Variants in PAH observed in about 807,000 individuals in gnomAD.
The protein encoded by PAH is phenylalanine-4-hydroxylase.
A neutral mutation model predicts 62.0 loss-of-function variants in PAH; 64 were observed. The ratio of observed to expected loss-of-function variants is 1.03; its 90% CI spans 0.84 to 1.27. PAH has a LOEUF of 1.27. Among genes scored for constraint, PAH ranks in the 50% most tolerant of loss-of-function variants. The probability of loss-of-function intolerance (pLI) is 0.00; values close to 1 mark genes in which losing one functional copy is unlikely to be tolerated. For synonymous variants in PAH, 195 were observed against 196.2 expected (o/e 0.99, Z 0.05); for missense variants, 579 against 542.8 (o/e 1.07, Z -0.66).
At chr12:102,839,321 T>C in intron 12 of PAH, 103 bp from the exon 13 acceptor site, 2 of 1,101,754 alleles carry the variant, frequency 1.8e-6, no homozygotes. Flanking sequence ...GCTTCTTGGA[T>C]GAGCTGGGTG....
intron 1 of PAH, chr12:102,914,029 T>C (rs951127045): frequency 1.8e-5 from 10 of 545,982 alleles, no homozygotes; most frequent in Non-Finnish European, 1.3e-5. Context: ...GAGAGAAGGC[T>C]GTGTTAGGAA....
chr12:102,909,446 TG>T (rs1296552802), intron 2 of PAH, among the ~76,000 whole-genome samples: 2 of 152,228 alleles, frequency 1.3e-5, no homozygotes, highest in African/African-American at 2.4e-5. Context: ...AGTTTCTTTT[TG>T]AATAATGTTG....
chr12:102,942,735 A>G (rs1395808059), intron 1 of PAH, among the ~76,000 whole-genome samples: 1 of 152,186 alleles, frequency 6.6e-6, no homozygotes, highest in Non-Finnish European at 1.5e-5. Flanking sequence ...CCAATGGAAC[A>G]GGTTAGAGAA....
upstream of PAH, among the ~76,000 whole-genome samples, chr12:102,954,901 G>A (rs1446819555): frequency 1.3e-5 from 2 of 152,226 alleles, no homozygotes; most frequent in African/African-American, 2.4e-5. Flanking sequence ...CAGTGTTGAG[G>A]TGCAAACTCC....
upstream of PAH, among the ~76,000 whole-genome samples, chr12:102,921,772 C>A (rs1268906993): frequency 2.6e-5 from 4 of 152,284 alleles, no homozygotes; most frequent in East Asian, 5.8e-4. Flanking sequence ...AGGCCAATCC[C>A]ACAATCAATT....
At chr12:102,926,394 G>T (rs1438061986) in intron 1 of PAH, among the ~76,000 whole-genome samples, 4 of 151,804 alleles carry the variant, frequency 2.6e-5, no homozygotes, top group Non-Finnish European at 4.4e-5. Context: ...TTTCTGAGGA[G>T]CATACATAAG....
chr12:102,936,274 T>C (rs1879095837), intron 1 of PAH, among the ~76,000 whole-genome samples: 1 of 152,194 alleles, frequency 6.6e-6, no homozygotes, highest in Non-Finnish European at 1.5e-5. Context: ...ATTTTTGAAC[T>C]TTTTAAAGAC....
In PAH at chr12:102,843,672, ACT is replaced by A. The variant is rs1429055740; in HGVS notation, c.1171_1172del (p.Ser391PhefsTer2). 3 of 1,611,750 alleles carry A rather than the reference ACT, an allele frequency of 1.9e-6. No individual in the cohort carries two copies. Among genetic ancestry groups the A allele is most frequent in the Non-Finnish European group, 2.5e-6 (3 of 1,179,382 alleles). On this transcript the variant is annotated frameshift_variant, in exon 11 of 13. Coordinates refer to ENST00000553106, the MANE Select transcript of PAH (RefSeq NM_000277.3). LOFTEE classifies it high-confidence loss of function. ...TTACTTTCTCCTTGGCATCATTAAA[ACT>A]CTCTGCCACGTAATAGAGGGGCTGG... ...EFQPLYYVAE[S>X]FNDAKEKVRN...
rs1874410441 is a variant in PAH, at chr12:102,837,512, A to G, written c.*1663T>C. Reference sequence around the variant, plus strand: ...TAAAATCAGTGGGTTTTACAAAGGCATAAACATAGATACAGGCATAAAATT... The same window carrying G: ...TAAAATCAGTGGGTTTTACAAAGGCGTAAACATAGATACAGGCATAAAATT... On this transcript the variant is annotated 3_prime_UTR_variant, in exon 13 of 13. Transcript: ENST00000553106. 6.6e-6 allele frequency: 1 copy of G among 152,264 alleles called. No individual in the cohort carries two copies. Among genetic ancestry groups the G allele is most frequent in the African/African-American group, 2.4e-5 (1 of 41,476 alleles). 9.4% of individuals were successfully genotyped at this position (152,264 alleles called of 1,614,324 possible).
In PAH at chr12:102,868,001, T is replaced by G. The variant is rs1177609285; in HGVS notation, c.442-1338A>C. Among the ~76,000 whole-genome samples the G allele has an allele frequency of 1.9e-3, 264 of 137,938 alleles. 40 individuals are homozygous for G. Among genetic ancestry groups the G allele is most frequent in the African/African-American group, 4.2e-3 (155 of 37,080 alleles). The allele number at this position is 137,938 out of a possible 152,430, so 90.5% of individuals were successfully genotyped here. ...TATATAGATGTATATTACATGTATA[T>G]ATGTATATACATATATACATATATA... On this transcript the variant is annotated intron_variant, in intron 4 of 12. Coordinates refer to ENST00000553106, the MANE Select transcript of PAH (RefSeq NM_000277.3).
chr12:102,906,176 C>A (rs1877968673), intron 2 of PAH, among the ~76,000 whole-genome samples: 1 of 152,082 alleles, frequency 6.6e-6, no homozygotes, highest in African/African-American at 2.4e-5. Context: ...ATATTTCACT[C>A]ATTATATTGT....
intron 1 of PAH, among the ~76,000 whole-genome samples, chr12:102,937,686 CAA>C (rs1879151943): frequency 6.6e-6 from 1 of 152,056 alleles, no homozygotes; most frequent in Non-Finnish European, 1.5e-5. Context: ...TCATTCTACT[CAA>C]GATATGAGTA....
Position 102,855,060 on chromosome 12 carries a change from G to C in PAH, c.706+76C>G, listed in dbSNP as rs376422291. On this transcript the variant is annotated intron_variant, in intron 6 of 12. Coordinates refer to ENST00000553106, the MANE Select transcript of PAH (RefSeq NM_000277.3). ...CTTTCATACTTGCCTCCACATACTT[G>C]TCTTCCCCTTCCCTCTCCTCTGCCT... 1.7e-3 allele frequency: 1,983 copies of C among 1,188,030 alleles called. 41 individuals are homozygous for C. In the South Asian group the frequency reaches 0.022, roughly 13 times the overall value. The allele number at this position is 1,188,030 out of a possible 1,614,324, so 73.6% of individuals were successfully genotyped here.
chr12:102,896,643 A>G (rs1877515348), intron 2 of PAH, among the ~76,000 whole-genome samples: 1 of 152,202 alleles, frequency 6.6e-6, no homozygotes, highest in Non-Finnish European at 1.5e-5. Context: ...AATCACCTCA[A>G]AAGGATCAAA....
chr12:102,911,888 A>G (rs947102165), intron 2 of PAH, among the ~76,000 whole-genome samples: 6 of 152,232 alleles, frequency 3.9e-5, no homozygotes, highest in African/African-American at 1.4e-4. Context: ...GGTCACAGGA[A>G]TCTTAGCATA....
Position 102,846,915 on chromosome 12 carries a change from A to C in PAH, c.949T>G (p.Tyr317Asp). The stretch of plus-strand genomic sequence containing the variant: ...CTTACTGTGGCGAGCTTTTCAATGT[A>C]TTCATCAGGTGCACCCAGAGAGGCA... ...GLASLGAPDE[Y>D]IEKLATIYWF... Residue 317 changes from tyrosine to aspartate, a missense_variant, in exon 9 of 13, where the codon TAC becomes GAC. Transcript: ENST00000553106. The C allele has an allele frequency of 6.2e-7, 1 of 1,613,658 alleles. No individual in the cohort carries two copies. The highest frequency in any genetic ancestry group is 1.1e-5 in the South Asian group (1 of 91,076).
chr12:102,894,724 C>T lies in PAH; in HGVS notation c.352+11G>A. The T allele has an allele frequency of 6.2e-7, 1 of 1,612,580 alleles. No individual in the cohort carries two copies. Among genetic ancestry groups the T allele is most frequent in the Non-Finnish European group, 8.5e-7 (1 of 1,178,598 alleles). Reference sequence around the variant, plus strand: ...GAGTTACTTATGTTGCAAAATTCCTCTAATTCTTACCTGTGTCTTTCTTCT... The same window carrying T: ...GAGTTACTTATGTTGCAAAATTCCTTTAATTCTTACCTGTGTCTTTCTTCT... On this transcript the variant is annotated intron_variant, in intron 3 of 12. Coordinates refer to ENST00000553106, the MANE Select transcript of PAH (RefSeq NM_000277.3).
intron 6 of PAH, 41 bp downstream of exon 6, chr12:102,855,095 C>T: frequency 6.5e-7 from 1 of 1,541,964 alleles, no homozygotes; most frequent in Non-Finnish European, 9.0e-7. Context: ...TCAATCCTCC[C>T]CCAACTTTCT....
chr12:102,877,285 A>G, intron 4 of PAH, 177 bp downstream of exon 4: 1 of 667,582 alleles, frequency 1.5e-6, no homozygotes, highest in Admixed American at 2.1e-5. Flanking sequence ...GACCATGATA[A>G]TGATGATGAC....
Sources: gnomAD v4.1 joint callset for allele counts (sites outside exome capture counted in the v4.1 genomes callset) on GRCh38, gnomAD v4.1.1 for gene constraint, MANE v1.5 for transcripts, NCBI Gene and HGNC (gene_info 2026-07-23, HGNC 2026-07-21) for gene names.